ANKRD50: variants seen among roughly 807,000 people sequenced by gnomAD.
ANKRD50 encodes ankyrin repeat domain-containing protein 50.
Under a neutral mutation model 112.0 loss-of-function variants are expected in ANKRD50, and 40 were observed. That is an observed-to-expected ratio of 0.36 (90% confidence interval 0.28 to 0.46). The LOEUF (loss-of-function observed/expected upper bound fraction) is 0.46, where lower values mean the gene tolerates loss of function less well. Ranked by LOEUF, ANKRD50 falls within the 20% of genes least tolerant of loss-of-function variation. The pLI is 1.00. For synonymous variants in ANKRD50, 613 were observed against 619.1 expected, an observed-to-expected ratio of 0.99 and a Z score of 0.15; for missense variants, 1,487 against 1,701.7, an observed-to-expected ratio of 0.87 and a Z score of 2.22.
At chr4:124,689,555 A>G (rs764939486) in intron 2 of ANKRD50, among the ~76,000 whole-genome samples, 1 of 152,184 alleles carries the variant, frequency 6.6e-6, no homozygotes, top group African/African-American at 2.4e-5. Context: ...TGAATACAAC[A>G]AAAGGCTAAC....
chr4:124,697,714 GT>G lies in ANKRD50; in HGVS notation c.512+12285del, dbSNP rs543015848. ...TTCTTTAAAACTTATCCAGCCTCAG[GT>G]ATTCTGTTATAGGAACACTAAATAG... On this transcript the variant is annotated intron_variant, in intron 2 of 4. Coordinates refer to ENST00000504087, the MANE Select transcript of ANKRD50 (RefSeq NM_020337.3). 5.2e-3 allele frequency among the ~76,000 whole-genome samples: 787 copies of G among 152,202 alleles called. 1 individual carries two copies. Among genetic ancestry groups the G allele is most frequent in the Non-Finnish European group, 8.7e-3 (590 of 68,010 alleles).
chr4:124,670,596 T>G lies in ANKRD50; in HGVS notation c.2681A>C (p.Asp894Ala). The G allele has an allele frequency of 6.2e-7, 1 of 1,613,400 alleles. No homozygotes were observed. The highest frequency in any genetic ancestry group is 8.5e-7 in the Non-Finnish European group (1 of 1,179,784). Reference sequence around the variant, plus strand: ...GTTTTCCAGTAATATTTGAACACAATCATAATGACCCTCTTGTGAAGCTAA... The same window carrying G: ...GTTTTCCAGTAATATTTGAACACAAGCATAATGACCCTCTTGTGAAGCTAA... ...FILASQEGHY[D>A]CVQILLENKS... Residue 894 changes from aspartate (D) to alanine (A), a missense_variant, in exon 4 of 5, where the codon GAT becomes GCT. Asp to Ala is a moderately radical substitution (Grantham distance 126, BLOSUM62 -2). Coordinates refer to ENST00000504087, the MANE Select transcript of ANKRD50 (RefSeq NM_020337.3).
chr4:124,687,930 C>T (rs1207780725), intron 2 of ANKRD50, among the ~76,000 whole-genome samples: 1 of 152,208 alleles, frequency 6.6e-6, no homozygotes, highest in African/African-American at 2.4e-5. Context: ...AAAAGTCTGA[C>T]AGGTTTCTAA....
chr4:124,692,263 C>T (rs1378444687), intron 2 of ANKRD50, among the ~76,000 whole-genome samples: 2 of 152,122 alleles, frequency 1.3e-5, no homozygotes, highest in Admixed American at 6.5e-5. Context: ...GGCTGCTCTG[C>T]ATTTGGAAGT....
chr4:124,692,953 T>A (rs892919737), intron 2 of ANKRD50, among the ~76,000 whole-genome samples: 2 of 152,206 alleles, frequency 1.3e-5, no homozygotes, highest in Admixed American at 1.3e-4. Context: ...GTAAATTAGA[T>A]AATATTATCA....
At chr4:124,706,904 A>C (rs1382498130) in intron 2 of ANKRD50, among the ~76,000 whole-genome samples, 1 of 152,064 alleles carries the variant, frequency 6.6e-6, no homozygotes, top group Non-Finnish European at 1.5e-5. Flanking sequence ...AATTTATTGA[A>C]TACTATATTG....
At chr4:124,692,737 C>T (rs375634158) in intron 2 of ANKRD50, among the ~76,000 whole-genome samples, 16 of 152,252 alleles carry the variant, frequency 1.1e-4, no homozygotes, top group African/African-American at 3.1e-4. Flanking sequence ...CAGGACCTGA[C>T]CAGACTTCAA....
chr4:124,706,782 C>T (rs988300530), intron 2 of ANKRD50, among the ~76,000 whole-genome samples: 2 of 152,070 alleles, frequency 1.3e-5, no homozygotes, highest in African/African-American at 4.8e-5. Context: ...CAAACATCAT[C>T]GCTTAGCCTA....
intron 2 of ANKRD50, among the ~76,000 whole-genome samples, chr4:124,697,816 G>C (rs1725286405): frequency 1.3e-5 from 2 of 152,212 alleles, no homozygotes; most frequent in South Asian, 4.1e-4. Context: ...AGTGAAGAAA[G>C]TGTTGCTAGA....
Position 124,672,292 on chromosome 4 carries a change from T to G in ANKRD50, c.985A>C (p.Thr329Pro). The G allele has an allele frequency of 6.2e-7, 1 of 1,613,568 alleles. No individual in the cohort carries two copies. Among genetic ancestry groups the G allele is most frequent in the African/African-American group, 1.3e-5 (1 of 74,962 alleles). ...AGCCAGAGATATAAACCATTTAGAG[T>G]TCCTGGGATGTCACGAATTTCTCTT... is the stretch of plus-strand genomic sequence containing the variant. ...MLREIRDIPG[T>P]LNGLYLWLCQ... Residue 329 changes from threonine to proline, a missense_variant, in exon 4 of 5, where the codon ACT becomes CCT. By Grantham distance (38) the Thr-to-Pro change is conservative (BLOSUM62 -1). Transcript: ENST00000504087.
intron 2 of ANKRD50, among the ~76,000 whole-genome samples, chr4:124,708,614 G>T (rs556627910): frequency 6.6e-6 from 1 of 151,572 alleles, no homozygotes; most frequent in African/African-American, 2.4e-5. Flanking sequence ...CTGTTCTCCA[G>T]CTTTGCCATA....
chr4:124,681,934 T>C (rs944443527), intron 2 of ANKRD50, among the ~76,000 whole-genome samples: 3 of 152,206 alleles, frequency 2.0e-5, no homozygotes, highest in Admixed American at 2.0e-4. Context: ...TCTATATCTG[T>C]ATTATCACAG....
In ANKRD50 at chr4:124,671,695, T is replaced by C. The variant is rs770217763; in HGVS notation, c.1582A>G (p.Ile528Val). 1.2e-6 allele frequency: 2 copies of C among 1,613,884 alleles called. No homozygotes were observed. Among genetic ancestry groups the C allele is most frequent in the African/African-American group, 1.3e-5 (1 of 75,022 alleles). ...VRQALEREDS[I>V]RTLLDNGASV... ...GCTCCATTATCTAATAATGTCCGAA[T>C]GGAATCCTCTCTTTCTAAGGCTTGT... Residue 528 changes from isoleucine to valine, a missense_variant, in exon 4 of 5, where the codon ATT becomes GTT. Transcript: ENST00000504087.
Position 124,671,536 on chromosome 4 carries a change from G to A in ANKRD50, c.1741C>T (p.Pro581Ser), listed in dbSNP as rs1262888117. 2 of 1,613,760 alleles carry A rather than the reference G, an allele frequency of 1.2e-6. No individual in the cohort carries two copies. The highest frequency in any genetic ancestry group is 1.7e-6 in the Non-Finnish European group (2 of 1,179,832). Residue 581 changes from proline to serine, a missense_variant, in exon 4 of 5, where the codon CCA (proline) becomes TCA (serine). Transcript: ENST00000504087. ...LEIEDAHGHT[P>S]LTLAARQGHT... ...CCCTGTCTAGCCGCTAGAGTGAGTG[G>A]TGTATGTCCATGAGCATCTTCTATC...
rs1318446185 is a variant in ANKRD50 at position 124,667,098 on chromosome 4, G to C, written c.*420C>G. 6.6e-6 allele frequency: 1 copy of C among 151,768 alleles called. No homozygotes were observed. Among genetic ancestry groups the C allele is most frequent in the African/African-American group, 2.4e-5 (1 of 41,416 alleles). 9.4% of individuals were successfully genotyped at this position (151,768 alleles called of 1,614,324 possible). ...ACTACAATGCAATGTGACTGAAACA[G>C]TATGTTTAAGTTTCTTTTGCCACAA... is the stretch of plus-strand genomic sequence containing the variant. On this transcript the variant is annotated 3_prime_UTR_variant, in exon 5 of 5. Coordinates refer to ENST00000504087, the MANE Select transcript of ANKRD50 (RefSeq NM_020337.3).
intron 2 of ANKRD50, among the ~76,000 whole-genome samples, chr4:124,681,453 A>G (rs1476689405): frequency 6.6e-6 from 1 of 152,098 alleles, no homozygotes; most frequent in Non-Finnish European, 1.5e-5. Flanking sequence ...AGTTTCAAGT[A>G]CTGTGTCTCA....
chr4:124,692,399 TG>T (rs1272522860), intron 2 of ANKRD50, among the ~76,000 whole-genome samples: 1 of 152,152 alleles, frequency 6.6e-6, no homozygotes, highest in Admixed American at 6.5e-5. Flanking sequence ...AGGTAATGGT[TG>T]GGGGGATATA....
intron 2 of ANKRD50, among the ~76,000 whole-genome samples, chr4:124,697,485 A>G (rs573423272): frequency 6.6e-6 from 1 of 152,236 alleles, no homozygotes; most frequent in Admixed American, 6.5e-5. Flanking sequence ...TCTCCAGGGA[A>G]TTGATTAGTT....
At chr4:124,682,768 T>C (rs1007590845) in intron 2 of ANKRD50, among the ~76,000 whole-genome samples, 1 of 152,134 alleles carries the variant, frequency 6.6e-6, no homozygotes, top group African/African-American at 2.4e-5. Flanking sequence ...TATTTGCCTC[T>C]TTATATGTGA....
Sources: allele counts gnomAD v4.1 joint callset (sites outside exome capture counted in the v4.1 genomes callset), GRCh38; gene constraint gnomAD v4.1.1; transcripts MANE v1.5; gene names NCBI Gene and HGNC (gene_info 2026-07-23, HGNC 2026-07-21).